Variants in UNC5D observed in about 807,000 individuals in gnomAD.
UNC5D encodes netrin receptor UNC5D.
UNC5D carries 39 observed loss-of-function variants against 105.4 expected under a neutral mutation model. The observed-to-expected ratio is 0.37, with a 90% CI of 0.29 to 0.48. The LOEUF (loss-of-function observed/expected upper bound fraction) is 0.48. Among genes scored for constraint, UNC5D ranks in the 20% least tolerant of loss-of-function variants. The pLI, the probability that UNC5D is intolerant of heterozygous loss-of-function variation, is 0.98. For synonymous variants in UNC5D, 452 were observed against 450.4 expected (o/e 1.00, Z -0.04); for missense variants, 991 against 1,202.4 (o/e 0.82, Z 2.60).
intron 1 of UNC5D, among the ~76,000 whole-genome samples, chr8:35,296,819 A>T (rs2128867121): frequency 6.6e-6 from 1 of 152,326 alleles, no homozygotes; most frequent in South Asian, 2.1e-4. Flanking sequence ...GCCAAAATAA[A>T]TATATCACCC....
intron 11 of UNC5D, among the ~76,000 whole-genome samples, chr8:35,733,552 TTAGTTC>T (rs1829306591): frequency 6.6e-6 from 1 of 152,214 alleles, no homozygotes; most frequent in African/African-American, 2.4e-5. Context: ...TCCCTCTGTC[TTAGTTC>T]ATCATGAGAA....
In UNC5D at chr8:35,464,951, A is replaced by T. The variant is rs1809190955; in HGVS notation, c.104-84341A>T. On this transcript the variant is annotated intron_variant, in intron 1 of 16. Coordinates refer to ENST00000404895, the MANE Select transcript of UNC5D (RefSeq NM_080872.4). ...GATTTTCATGTCTGCCACTTCCTTC[A>T]TGCAATCCCCATATGAGTTCTGGCA... Among the ~76,000 whole-genome samples, 3 of 152,284 alleles carry T rather than the reference A, an allele frequency of 2.0e-5. No homozygotes were observed. The South Asian group carries it at 6.2e-4, about 32-fold the overall frequency.
intron 4 of UNC5D, among the ~76,000 whole-genome samples, chr8:35,677,801 G>A (rs1825352274): frequency 6.6e-6 from 1 of 151,594 alleles, no homozygotes; most frequent in Non-Finnish European, 1.5e-5. Context: ...CTGATATGCT[G>A]GGGTCTGTAT....
At chr8:35,581,642 T>G (rs1422634059) in intron 3 of UNC5D, among the ~76,000 whole-genome samples, 1 of 152,080 alleles carries the variant, frequency 6.6e-6, no homozygotes, top group Non-Finnish European at 1.5e-5. Flanking sequence ...AATAAATGCT[T>G]GAGATGATGG....
At chr8:35,611,110 A>G (rs1176662276) in intron 4 of UNC5D, among the ~76,000 whole-genome samples, 1 of 150,904 alleles carries the variant, frequency 6.6e-6, no homozygotes, top group Non-Finnish European at 1.5e-5. Flanking sequence ...TTCTTCCTTC[A>G]TTTTTAAAGC....
chr8:35,605,422 T>A (rs1241098137), intron 4 of UNC5D, among the ~76,000 whole-genome samples: 1 of 152,092 alleles, frequency 6.6e-6, no homozygotes, highest in Non-Finnish European at 1.5e-5. Flanking sequence ...CTCAGAGGAG[T>A]ACCTGGCCGT....
chr8:35,486,639 G>A (rs181309884), intron 1 of UNC5D, among the ~76,000 whole-genome samples: 3 of 152,218 alleles, frequency 2.0e-5, no homozygotes, highest in East Asian at 1.9e-4. Flanking sequence ...GATTTGTCAC[G>A]AGGGAACCAG....
chr8:35,657,080 GTA>G (rs3077002), intron 4 of UNC5D, among the ~76,000 whole-genome samples: 1,855 of 45,980 alleles, frequency 0.04, 20 homozygotes, highest in East Asian at 0.1. Context: ...GTGTGTGTGT[GTA>G]TATATATATA....
At chr8:35,308,372 G>A (rs544291536) in intron 1 of UNC5D, among the ~76,000 whole-genome samples, 3 of 152,052 alleles carry the variant, frequency 2.0e-5, no homozygotes, top group Non-Finnish European at 4.4e-5. Flanking sequence ...TGAAACTATA[G>A]ATATGAACAG....
chr8:35,748,596 C>T lies in UNC5D; in HGVS notation c.1836C>T (p.Val612=), dbSNP rs1830114942. 3 of 1,614,104 alleles carry T rather than the reference C, an allele frequency of 1.9e-6. No homozygotes were observed. The highest frequency in any genetic ancestry group is 2.5e-6 in the Non-Finnish European group (3 of 1,179,956). ...EVTCGPPDMI[V]TTPFALTIPH... is the part of the protein sequence containing the mutation. ...CCTGTGGTCCTCCAGACATGATCGT[C>T]ACCACTCCCTTTGCATTGACCATCC... Residue 612 remains valine, a synonymous_variant, in exon 12 of 17, where the codon GTC becomes GTT. Coordinates refer to ENST00000404895, the MANE Select transcript of UNC5D (RefSeq NM_080872.4).
chr8:35,439,244 C>T (rs114944497), intron 1 of UNC5D, among the ~76,000 whole-genome samples: 2,127 of 152,048 alleles, frequency 0.014, 59 homozygotes, highest in African/African-American at 0.049. Flanking sequence ...CTGCATTCTG[C>T]AAGCTGATTC....
intron 1 of UNC5D, among the ~76,000 whole-genome samples, chr8:35,447,061 G>T (rs750113583): frequency 6.6e-6 from 1 of 151,894 alleles, no homozygotes; most frequent in African/African-American, 2.4e-5. Flanking sequence ...TGAGCATTTT[G>T]GTGCGACAAT....
rs1041213535 is a variant in UNC5D at position 35,378,340 on chromosome 8, G to A, written c.103+142453G>A. 2.0e-5 allele frequency among the ~76,000 whole-genome samples: 3 copies of A among 152,096 alleles called. No homozygotes were observed. In the East Asian group the frequency reaches 5.8e-4, roughly 29 times the overall value. On this transcript the variant is annotated intron_variant, in intron 1 of 16. Transcript: ENST00000404895. ...CCTAGTTGTCTTGCCGTACTTCCCT[G>A]GAGTGTCTGATCTTCCACATGGGTC...
At chr8:35,667,534 A>G (rs1305669176) in intron 4 of UNC5D, among the ~76,000 whole-genome samples, 1 of 152,210 alleles carries the variant, frequency 6.6e-6, no homozygotes, top group Non-Finnish European at 1.5e-5. Context: ...AGGGGCCAGG[A>G]AATGGATTCT....
At chr8:35,753,254 T>C (rs1830367146) in intron 13 of UNC5D, among the ~76,000 whole-genome samples, 1 of 151,526 alleles carries the variant, frequency 6.6e-6, no homozygotes, top group African/African-American at 2.4e-5. Flanking sequence ...ATGTATTTCA[T>C]CATTGAGAGA....
At chr8:35,665,710 A>G (rs533865093) in intron 4 of UNC5D, among the ~76,000 whole-genome samples, 1 of 150,050 alleles carries the variant, frequency 6.7e-6, no homozygotes, top group African/African-American at 2.5e-5. Context: ...TTGATCTCAC[A>G]GGGACTAAAT....
chr8:35,650,386 G>C (rs965043533), intron 4 of UNC5D, among the ~76,000 whole-genome samples: 1 of 152,116 alleles, frequency 6.6e-6, no homozygotes, highest in Non-Finnish European at 1.5e-5. Context: ...ACTGTACCAA[G>C]CAGGAGTATT....
chr8:35,741,740 G>A (rs983042816), intron 11 of UNC5D, among the ~76,000 whole-genome samples: 2 of 152,116 alleles, frequency 1.3e-5, no homozygotes, highest in African/African-American at 4.8e-5. Flanking sequence ...ATTTGATGGA[G>A]CACCAAGGCC....
At chr8:35,770,869 T>C (rs75182826) in intron 15 of UNC5D, among the ~76,000 whole-genome samples, 1,772 of 152,318 alleles carry the variant, frequency 0.012, 36 homozygotes, top group African/African-American at 0.041. Context: ...GAATTTCTCA[T>C]TGATTTACAA....
Sources: gnomAD v4.1 joint callset for allele counts (sites outside exome capture counted in the v4.1 genomes callset) on GRCh38, gnomAD v4.1.1 for gene constraint, MANE v1.5 for transcripts, NCBI Gene and HGNC (gene_info 2026-07-23, HGNC 2026-07-21) for gene names.